Variants in VIL1 observed in about 807,000 individuals in gnomAD.
The protein encoded by VIL1 is villin 1.
VIL1 carries 86 observed loss-of-function variants against 104.0 expected under a neutral mutation model. The ratio of observed to expected loss-of-function variants is 0.83; its 90% confidence interval spans 0.69 to 0.99. The LOEUF (loss-of-function observed/expected upper bound fraction) is 0.99, where lower values mean the gene tolerates loss of function less well. Among genes scored for constraint, VIL1 ranks in the 50% least tolerant of loss-of-function variants. The pLI, the probability that VIL1 is intolerant of heterozygous loss-of-function variation, is 0.00. For synonymous variants in VIL1, 394 were observed against 412.6 expected (o/e 0.95, Z 0.55); for missense variants, 944 against 1,054.1 (o/e 0.90, Z 1.45).
rs1559146168 is a variant in VIL1 at position 218,427,947 on chromosome 2, G to T, written c.348-18G>T. ...CCTCCCAGCCCACTTCCTTGGGTCA[G>T]CTCACCTCTCTTCTCAGGATCCGGA... On this transcript the variant is annotated intron_variant, in intron 4 of 19. Transcript: ENST00000248444. The T allele has an allele frequency of 1.2e-6, 2 of 1,612,318 alleles. No homozygotes were observed. The highest frequency in any genetic ancestry group is 2.2e-5 in the South Asian group (2 of 91,064).
At position 218,429,588 on chromosome 2, in the gene VIL1, G is replaced by A. The variant is rs1345279223; in HGVS notation, c.771-9G>A. 6.2e-7 allele frequency: 1 copy of A among 1,614,020 alleles called. No individual in the cohort carries two copies. On this transcript the variant is annotated splice_polypyrimidine_tract_variant and intron_variant, in intron 7 of 19. Transcript: ENST00000248444. ...CCCTCCCCATCTATGCCTTGCTTCT[G>A]TCCTGCAGTGTGTCTGACTCCGAGG...
At chr2:218,431,233 C>T (rs1015974513) in intron 10 of VIL1, 8 of 423,128 alleles carry the variant, frequency 1.9e-5, no homozygotes, top group Non-Finnish European at 2.9e-5. Flanking sequence ...TGCCTGTAAC[C>T]CCAGCTACTC....
intron 19 of VIL1, among the ~76,000 whole-genome samples, chr2:218,447,968 A>T (rs1409483057): frequency 6.6e-6 from 1 of 152,176 alleles, no homozygotes. Context: ...TGCCTTTAAG[A>T]AATGTTTCTG....
Position 218,432,882 on chromosome 2 carries a change from C to CCGGG in VIL1, c.1432_1435dup (p.Val479AlafsTer30), listed in dbSNP as rs762618046. ...AGTACAATGGTGAACCAGTCCAGAT[C>CCGGG]CGGGTCCCAATGGGCAAGGAGCCAC... On this transcript the variant is annotated frameshift_variant, in exon 13 of 20. Coordinates refer to ENST00000248444, the MANE Select transcript of VIL1 (RefSeq NM_007127.3). LOFTEE classifies it high-confidence loss of function. The CCGGG allele has an allele frequency of 2.5e-6, 4 of 1,614,088 alleles. No homozygotes were observed. In the African/African-American group the frequency reaches 5.3e-5, roughly 22 times the overall value.
At chr2:218,443,510 T>C (rs1267019745) in intron 19 of VIL1, among the ~76,000 whole-genome samples, 1 of 152,008 alleles carries the variant, frequency 6.6e-6, no homozygotes, top group East Asian at 1.9e-4. Context: ...TGGAGGTGTT[T>C]CTAAAGGAGG....
At chr2:218,420,453 GA>G (rs375284925) in intron 1 of VIL1, among the ~76,000 whole-genome samples, 4,273 of 134,700 alleles carry the variant, frequency 0.032, 220 homozygotes, top group African/African-American at 0.11. Context: ...AAAAAGAAAA[GA>G]AAAAAAGAAA....
chr2:218,423,224 T>G (rs913404211), intron 1 of VIL1, among the ~76,000 whole-genome samples: 2 of 152,020 alleles, frequency 1.3e-5, no homozygotes, highest in Non-Finnish European at 2.9e-5. Flanking sequence ...GGGGAAACCC[T>G]GTCTCTACTA....
chr2:218,449,823 T>C lies in VIL1; in HGVS notation c.*487T>C. On this transcript the variant is annotated 3_prime_UTR_variant, in exon 20 of 20. Coordinates refer to ENST00000248444, the MANE Select transcript of VIL1 (RefSeq NM_007127.3). ...GGTAAGTTAAAGGGCTGAAGGAGAG[T>C]TGAATGGTCCACAAGACTACCCTCT... 1 of 164,542 alleles carries C rather than the reference T, an allele frequency of 6.1e-6. No homozygotes were observed. The highest frequency in any genetic ancestry group is 5.6e-5 in the Admixed American group (1 of 17,776). 10.2% of individuals were successfully genotyped at this position (164,542 alleles called of 1,614,324 possible).
At chr2:218,434,407 G>C (rs1405736551) in intron 13 of VIL1, 119 bp from the exon 14 acceptor site, 2 of 975,812 alleles carry the variant, frequency 2.0e-6, no homozygotes, top group Non-Finnish European at 3.0e-6. Flanking sequence ...TGGTGACGGA[G>C]CATCAGAGGA....
intron 18 of VIL1, 75 bp downstream of exon 18, chr2:218,438,801 C>T: frequency 1.6e-6 from 2 of 1,278,462 alleles, no homozygotes; most frequent in Non-Finnish European, 2.2e-6. Context: ...AAGAACGCTG[C>T]AGAGAAGACA....
chr2:218,432,896 G>A lies in VIL1; in HGVS notation c.1445G>A (p.Gly482Asp). ...GEPVQIRVPMGKEPPHLMSIF... is the reference protein window; with the variant it reads ...GEPVQIRVPMDKEPPHLMSIF... Reference sequence around the variant, plus strand: ...CCAGTCCAGATCCGGGTCCCAATGGGCAAGGAGCCACCTCATCTTATGTCC... The same window carrying A: ...CCAGTCCAGATCCGGGTCCCAATGGACAAGGAGCCACCTCATCTTATGTCC... The change falls in exon 13 of 20, where the codon GGC (glycine) becomes GAC (aspartate). Residue 482 changes from glycine to aspartate, a missense_variant. By Grantham distance (94) the Gly-to-Asp change is moderately conservative. Coordinates refer to ENST00000248444, the MANE Select transcript of VIL1 (RefSeq NM_007127.3). 1 of 1,614,214 alleles carries A rather than the reference G, an allele frequency of 6.2e-7. No homozygotes were observed. Among genetic ancestry groups the A allele is most frequent in the Non-Finnish European group, 8.5e-7 (1 of 1,180,034 alleles).
chr2:218,426,768 AT>A (rs1222452304), intron 4 of VIL1, among the ~76,000 whole-genome samples: 15 of 151,814 alleles, frequency 9.9e-5, no homozygotes, highest in Middle Eastern at 6.8e-3. Flanking sequence ...CGTCCGGCTA[AT>A]TTTTTTGTAT....
At position 218,449,518 on chromosome 2, in the gene VIL1, CA is replaced by C; in HGVS notation, c.*186del. 3.8e-6 allele frequency: 2 copies of C among 524,056 alleles called. No homozygotes were observed. The highest frequency in any genetic ancestry group is 6.9e-6 in the Non-Finnish European group (2 of 288,478). 32.5% of individuals were successfully genotyped at this position (524,056 alleles called of 1,614,324 possible). A position where few individuals can be genotyped will look rare whatever the true frequency, so the allele number is the denominator to read the frequency against. On this transcript the variant is annotated 3_prime_UTR_variant, in exon 20 of 20. Coordinates refer to ENST00000248444, the MANE Select transcript of VIL1 (RefSeq NM_007127.3). Reference sequence around the variant, plus strand: ...CTATTCCTTCAGAAAGATGATACCCCAAAAGGAGCCTATGGTCCTCATTTCA... The same window carrying C: ...CTATTCCTTCAGAAAGATGATACCCCAAAGGAGCCTATGGTCCTCATTTCA...
intron 18 of VIL1, among the ~76,000 whole-genome samples, chr2:218,439,123 G>A (rs1260125244): frequency 6.6e-6 from 1 of 151,500 alleles, no homozygotes; most frequent in Non-Finnish European, 1.5e-5. Context: ...TAGAGACGAG[G>A]TTTCACCATG....
chr2:218,449,285 T>C lies in VIL1; in HGVS notation c.2433T>C (p.Ala811=), dbSNP rs1689425567. 2 of 1,614,054 alleles carry C rather than the reference T, an allele frequency of 1.2e-6. No individual in the cohort carries two copies. The highest frequency in any genetic ancestry group is 1.7e-6 in the Non-Finnish European group (2 of 1,179,952). Reference sequence around the variant, plus strand: ...GGATGACTCCAGCTGCCTTCTCTGCTCTGCCTCGATGGAAGCAACAAAACC... The same window carrying C: ...GGATGACTCCAGCTGCCTTCTCTGCCCTGCCTCGATGGAAGCAACAAAACC... The part of the protein sequence containing the change: ...AFGMTPAAFS[A]LPRWKQQNLK... The change falls in exon 20 of 20, where the codon GCT becomes GCC. Residue 811 remains alanine, a synonymous_variant. Transcript: ENST00000248444.
At chr2:218,432,399 C>T (rs1050823274) in intron 12 of VIL1, 2 of 788,446 alleles carry the variant, frequency 2.5e-6, no homozygotes, top group South Asian at 3.0e-5. Context: ...ATTTTCATTG[C>T]CTTCTGCACA....
At chr2:218,423,295 T>A (rs57532596) in intron 1 of VIL1, among the ~76,000 whole-genome samples, 1 of 152,036 alleles carries the variant, frequency 6.6e-6, no homozygotes, top group South Asian at 2.1e-4. Context: ...TGCGGGAGGT[T>A]GAGGTAGGAG....
At chr2:218,429,009 C>G (rs1391776907) in intron 6 of VIL1, among the ~76,000 whole-genome samples, 1 of 152,240 alleles carries the variant, frequency 6.6e-6, no homozygotes, top group Non-Finnish European at 1.5e-5. Context: ...ACTGTGAAGT[C>G]TAAGCACACA....
chr2:218,423,422 T>C lies in VIL1; in HGVS notation c.-11-346T>C, dbSNP rs530083912. ...AAAGAAGAAGAAGAAAAAAATAATA[T>C]GGAGAAAGGGCTGACATGAGGAGAA... On this transcript the variant is annotated intron_variant, in intron 1 of 19. Coordinates refer to ENST00000248444, the MANE Select transcript of VIL1 (RefSeq NM_007127.3). 3.2e-4 allele frequency among the ~76,000 whole-genome samples: 49 copies of C among 151,852 alleles called. 1 individual carries two copies. The highest frequency in any genetic ancestry group is 1.1e-3 in the African/African-American group (46 of 41,436).
Sources: gnomAD v4.1 joint callset for allele counts (sites outside exome capture counted in the v4.1 genomes callset) on GRCh38, gnomAD v4.1.1 for gene constraint, MANE v1.5 for transcripts, NCBI Gene and HGNC (gene_info 2026-07-23, HGNC 2026-07-21) for gene names.